SH2B3: variants seen among roughly 807,000 people sequenced by gnomAD.
SH2B3 encodes SH2B adaptor protein 3.
SH2B3 carries 43 observed loss-of-function variants against 51.9 expected under a neutral mutation model. The observed-to-expected ratio is 0.83, with a 90% CI of 0.65 to 1.07. The LOEUF (loss-of-function observed/expected upper bound fraction) is 1.07. SH2B3 is among the 50% of genes least tolerant of loss of function. The pLI, the probability that SH2B3 is intolerant of heterozygous loss-of-function variation, is 0.00. For synonymous variants in SH2B3, 396 were observed against 376.0 expected, an observed-to-expected ratio of 1.05 and a Z score of -0.62; for missense variants, 952 against 834.3, an observed-to-expected ratio of 1.14 and a Z score of -1.74.
Position 111,448,242 on chromosome 12 carries a change from A to T in SH2B3, c.1668A>T (p.Glu556Asp). ...ATCGAGCCCGGGACTCGGACTACGA[A>T]ATGGACTCATCCTCCCGGAGCCACC... ...PVNRARDSDY[E>D]MDSSSRSHLR... Residue 556 changes from glutamate to aspartate, a missense_variant, in exon 8 of 8, where the codon GAA becomes GAT. Glu to Asp is a conservative substitution (Grantham distance 45). Coordinates refer to ENST00000341259, the MANE Select transcript of SH2B3 (RefSeq NM_005475.3). The T allele has an allele frequency of 6.2e-7, 1 of 1,614,126 alleles. No homozygotes were observed. The highest frequency in any genetic ancestry group is 8.5e-7 in the Non-Finnish European group (1 of 1,180,006).
At chr12:111,408,823 G>T (rs1870449473) in intron 1 of SH2B3, among the ~76,000 whole-genome samples, 1 of 152,188 alleles carries the variant, frequency 6.6e-6, no homozygotes, top group South Asian at 2.1e-4. Flanking sequence ...GGGATCCTTG[G>T]GTTGATCACT....
In SH2B3 at chr12:111,418,238, G is replaced by T; in HGVS notation, c.93G>T (p.Glu31Asp). 2 of 1,565,724 alleles carry T rather than the reference G, an allele frequency of 1.3e-6. No homozygotes were observed. Among genetic ancestry groups the T allele is most frequent in the Non-Finnish European group, 1.7e-6 (2 of 1,164,930 alleles). Residue 31 changes from glutamate to aspartate, a missense_variant, in exon 2 of 8, where the codon GAG (glutamate) becomes GAT (aspartate). By Grantham distance (45) the Glu-to-Asp change is conservative. Coordinates refer to ENST00000341259, the MANE Select transcript of SH2B3 (RefSeq NM_005475.3). This position sits in a 1 kb window ranked among gnomAD's most constrained non-coding sequence, Gnocchi z 6.7. Reference protein sequence around the residue: ...AAPRGWSEFCELHAVAAAREL... With the variant: ...AAPRGWSEFCDLHAVAAAREL... ...CGCGGGGCTGGAGCGAGTTCTGTGA[G>T]TTGCACGCCGTAGCGGCGGCCCGGG...
chr12:111,431,147 A>G (rs753810063), intron 2 of SH2B3, among the ~76,000 whole-genome samples: 109 of 152,156 alleles, frequency 7.2e-4, no homozygotes, highest in Non-Finnish European at 3.2e-4. Context: ...GCCCCCGCCC[A>G]CTGTTTGGCC....
chr12:111,421,013 G>A (rs1473191325), intron 2 of SH2B3, among the ~76,000 whole-genome samples: 1 of 152,104 alleles, frequency 6.6e-6, no homozygotes, highest in East Asian at 1.9e-4. Context: ...CACCCCAGAG[G>A]GCTCCTTCAT....
At chr12:111,440,465 G>C (rs1343802448) in intron 2 of SH2B3, among the ~76,000 whole-genome samples, 1 of 152,180 alleles carries the variant, frequency 6.6e-6, no homozygotes, top group East Asian at 1.9e-4. Context: ...GAAAAATGTT[G>C]CCGGCCTGTG....
rs554143114 is a variant in SH2B3 at position 111,444,067 on chromosome 12, T to G, written c.733-2686T>G. The G allele has an allele frequency of 2.0e-5, 3 of 152,240 alleles. No homozygotes were observed. The South Asian group carries it at 6.2e-4, about 32-fold the overall frequency. 9.4% of individuals were successfully genotyped at this position (152,240 alleles called of 1,614,324 possible). ...AAAATTAGCTGGGTGTGGTGGCAGGTGCCTGTAATCCCAGCTACTGCGGAA... is the reference window on the plus strand; with the variant it reads ...AAAATTAGCTGGGTGTGGTGGCAGGGGCCTGTAATCCCAGCTACTGCGGAA... On this transcript the variant is annotated intron_variant, in intron 2 of 7. Coordinates refer to ENST00000341259, the MANE Select transcript of SH2B3 (RefSeq NM_005475.3).
Position 111,451,584 on chromosome 12 carries a change from A to G in SH2B3, c.*3282A>G, listed in dbSNP as rs1034790565. 2.0e-5 allele frequency: 3 copies of G among 152,690 alleles called. No homozygotes were observed. The highest frequency in any genetic ancestry group is 7.2e-5 in the African/African-American group (3 of 41,458). The allele number at this position is 152,690 out of a possible 1,614,324, so 9.5% of individuals were successfully genotyped here. On this transcript the variant is annotated 3_prime_UTR_variant, in exon 8 of 8. Transcript: ENST00000341259. Reference sequence around the variant, plus strand: ...TAATGCAAATTTTGCTATAATGTACAAATTGCTATATGTGAATTAAAAAGT... The same window carrying G: ...TAATGCAAATTTTGCTATAATGTACGAATTGCTATATGTGAATTAAAAAGT...
Position 111,418,733 on chromosome 12 carries a change from G to GT in SH2B3, c.588_589insT (p.Lys197Ter). The GT allele has an allele frequency of 6.7e-7, 1 of 1,485,994 alleles. No individual in the cohort carries two copies. Among genetic ancestry groups the GT allele is most frequent in the Non-Finnish European group, 8.9e-7 (1 of 1,125,558 alleles). 92.1% of individuals were successfully genotyped at this position (1,485,994 alleles called of 1,614,324 possible). A position where few individuals can be genotyped will look rare whatever the true frequency, so the allele number is the denominator to read the frequency against. ...CCCGGGAGCCGCCACCCGAGGCGCT[G>GT]AAGGAGGCGGTGCTGCGCTACAGCC... On this transcript the variant is annotated frameshift_variant, in exon 2 of 8. Transcript: ENST00000341259. LOFTEE classifies it high-confidence loss of function. This position sits in a 1 kb window ranked among gnomAD's most constrained non-coding sequence, Gnocchi z 6.7.
In SH2B3 at chr12:111,418,974, C is replaced by T; in HGVS notation, c.732+97C>T. ...CTGGGGAGGTGTGATGGCTTTCCAG[C>T]TGGTGGCCACAGAGTGTCCAGAGGG... is the stretch of plus-strand genomic sequence containing the variant. On this transcript the variant is annotated intron_variant, in intron 2 of 7. Transcript: ENST00000341259. The surrounding 1 kb of genome is among the most constrained non-coding windows in gnomAD (Gnocchi z 6.7). The T allele has an allele frequency of 8.4e-7, 1 of 1,188,976 alleles. No individual in the cohort carries two copies. Among genetic ancestry groups the T allele is most frequent in the Non-Finnish European group, 1.1e-6 (1 of 916,896 alleles). 73.7% of individuals were successfully genotyped at this position (1,188,976 alleles called of 1,614,324 possible).
intron 2 of SH2B3, among the ~76,000 whole-genome samples, chr12:111,432,288 G>A (rs1872555909): frequency 6.6e-6 from 1 of 152,024 alleles, no homozygotes; most frequent in Non-Finnish European, 1.5e-5. Context: ...CTGACCTCAG[G>A]TGAGCTGCCT....
At position 111,423,366 on chromosome 12, in the gene SH2B3, TTTTTTTA is replaced by T. The variant is rs1310800789; in HGVS notation, c.732+4503_732+4509del. On this transcript the variant is annotated intron_variant, in intron 2 of 7. Coordinates refer to ENST00000341259, the MANE Select transcript of SH2B3 (RefSeq NM_005475.3). ...TCTGTGTGACACTGTAGGGTTTTTA[TTTTTTTA>T]TTTTTTATTTTTTTGAGACAGAGTC... Among the ~76,000 whole-genome samples the T allele has an allele frequency of 4.6e-5, 7 of 152,250 alleles. No homozygotes were observed. The South Asian group carries it at 1.2e-3, about 27-fold the overall frequency.
At chr12:111,425,316 C>A (rs1871904484) in intron 2 of SH2B3, among the ~76,000 whole-genome samples, 1 of 152,084 alleles carries the variant, frequency 6.6e-6, no homozygotes, top group South Asian at 2.1e-4. Context: ...AGAAAAGTCC[C>A]AGCTTTCTCT....
At chr12:111,414,657 T>G (rs1002566366) in intron 1 of SH2B3, among the ~76,000 whole-genome samples, 1 of 151,470 alleles carries the variant, frequency 6.6e-6, no homozygotes, top group Non-Finnish European at 1.5e-5. Context: ...CACCTACTTG[T>G]GCTTTTTGGG....
At chr12:111,441,761 G>C (rs1167705342) in intron 2 of SH2B3, among the ~76,000 whole-genome samples, 3 of 152,182 alleles carry the variant, frequency 2.0e-5, no homozygotes, top group Admixed American at 2.0e-4. Flanking sequence ...CTAAGCAGCA[G>C]CATTCTCTTT....
At chr12:111,412,921 G>A (rs1870812375) in intron 1 of SH2B3, among the ~76,000 whole-genome samples, 1 of 152,160 alleles carries the variant, frequency 6.6e-6, no homozygotes. Flanking sequence ...CCTGATCATT[G>A]GTGGGTTTGG....
intron 2 of SH2B3, among the ~76,000 whole-genome samples, chr12:111,441,115 C>T (rs546773022): frequency 9.5e-4 from 144 of 152,182 alleles, no homozygotes; most frequent in African/African-American, 3.0e-3. Context: ...CACACATACA[C>T]ACACGTGGAG....
chr12:111,434,209 G>A (rs1872682735), intron 2 of SH2B3, among the ~76,000 whole-genome samples: 1 of 152,150 alleles, frequency 6.6e-6, no homozygotes, highest in Non-Finnish European at 1.5e-5. Flanking sequence ...ATTGTACAAT[G>A]CATTGGCTTT....
chr12:111,443,201 G>T (rs1447680455), intron 2 of SH2B3, among the ~76,000 whole-genome samples: 1 of 152,250 alleles, frequency 6.6e-6, no homozygotes, highest in Non-Finnish European at 1.5e-5. Flanking sequence ...GATAAAGAGG[G>T]ATCCTCAGGT....
rs769067041 is a variant in SH2B3 at position 111,447,352 on chromosome 12, G to A, written c.1044G>A (p.Leu348=). The part of the protein sequence containing the change: ...LNQGASPGGL[L]DPACQKTDHF... The stretch of plus-strand genomic sequence containing the variant: ...CAGGTGCTTCTCCTGGGGGGCTGCT[G>A]GACCCGGCCTGCCAGAAGACGGACC... Residue 348 remains leucine, a synonymous_variant, in exon 6 of 8, where the codon CTG becomes CTA. Coordinates refer to ENST00000341259, the MANE Select transcript of SH2B3 (RefSeq NM_005475.3). 9 of 1,613,796 alleles carry A rather than the reference G, an allele frequency of 5.6e-6. No homozygotes were observed. Among genetic ancestry groups the A allele is most frequent in the Admixed American group, 3.3e-5 (2 of 60,004 alleles).
Sources: allele counts gnomAD v4.1 joint callset (sites outside exome capture counted in the v4.1 genomes callset), GRCh38; gene constraint gnomAD v4.1.1; non-coding constraint Gnocchi (gnomAD v3.1); transcripts MANE v1.5; gene names NCBI Gene and HGNC (gene_info 2026-07-23, HGNC 2026-07-21).